DZIP1: variants seen among roughly 807,000 people sequenced by gnomAD.
The protein encoded by DZIP1 is cilium assembly protein DZIP1.
In DZIP1, 97 loss-of-function variants were observed where a neutral mutation model predicts 107.6. That is an observed-to-expected ratio of 0.90 (90% CI 0.77 to 1.07). The LOEUF (loss-of-function observed/expected upper bound fraction) is 1.07. Among genes scored for constraint, DZIP1 ranks in the 50% least tolerant of loss-of-function variants. DZIP1 has a pLI of 0.00. For synonymous variants in DZIP1, 390 were observed against 386.4 expected (o/e 1.01, Z -0.11); for missense variants, 1,035 against 1,063.6 (o/e 0.97, Z 0.37).
intron 5 of DZIP1, among the ~76,000 whole-genome samples, chr13:95,639,282 T>C (rs749882874): frequency 7.6e-4 from 115 of 152,304 alleles, no homozygotes; most frequent in Admixed American, 1.4e-3. Context: ...TCATTACTTA[T>C]CATTCACATT....
In DZIP1 at chr13:95,586,107, C is replaced by T. The variant is rs973124938; in HGVS notation, c.2248G>A (p.Val750Ile). 6.2e-7 allele frequency: 1 copy of T among 1,611,242 alleles called. No individual in the cohort carries two copies. Among genetic ancestry groups the T allele is most frequent in the Non-Finnish European group, 8.5e-7 (1 of 1,179,132 alleles). ...GVAVKTPTEK[V>I]EKMFPHRKNV... Reference sequence around the variant, plus strand: ...TTGCGATGTGGAAACATCTTTTCAACTTTTTCAGTAGGTGTTTTAACGGCG... The same window carrying T: ...TTGCGATGTGGAAACATCTTTTCAATTTTTTCAGTAGGTGTTTTAACGGCG... The change falls in exon 21 of 23, where the codon GTT (valine) becomes ATT (isoleucine). Residue 750 changes from valine to isoleucine, a missense_variant. Val to Ile is a conservative substitution (Grantham distance 29). Coordinates refer to ENST00000376829, the MANE Select transcript of DZIP1 (RefSeq NM_198968.4).
intron 10 of DZIP1, chr13:95,617,914 G>C: frequency 1.9e-6 from 1 of 517,730 alleles, no homozygotes; most frequent in Non-Finnish European, 3.8e-6. Context: ...CTCGGGGATT[G>C]AGAGAGAAAG....
intron 15 of DZIP1, among the ~76,000 whole-genome samples, chr13:95,596,781 A>G (rs1304998039): frequency 6.6e-6 from 1 of 152,224 alleles, no homozygotes; most frequent in Non-Finnish European, 1.5e-5. Context: ...AATATGCATG[A>G]ATTACTTCTT....
At chr13:95,596,776 G>A (rs973630610) in intron 15 of DZIP1, among the ~76,000 whole-genome samples, 1 of 152,196 alleles carries the variant, frequency 6.6e-6, no homozygotes, top group African/African-American at 2.4e-5. Context: ...ACAGAAATAT[G>A]CATGAATTAC....
chr13:95,600,280 C>T (rs2044574069), intron 14 of DZIP1, among the ~76,000 whole-genome samples: 1 of 152,108 alleles, frequency 6.6e-6, no homozygotes, highest in Admixed American at 6.5e-5. Flanking sequence ...GTGCATGGTT[C>T]ACTCACCTTC....
rs1364706358 is a variant in DZIP1 at position 95,581,208 on chromosome 13, G to T, written c.*1026C>A. 6.6e-6 allele frequency: 1 copy of T among 152,570 alleles called. No homozygotes were observed. The highest frequency in any genetic ancestry group is 1.5e-5 in the Non-Finnish European group (1 of 68,018). The allele number at this position is 152,570 out of a possible 1,614,324, so 9.5% of individuals were successfully genotyped here. ...TTAGTTAAAAGGTTACTTGGAAACA[G>T]AATATAGTATAACCAAGTTATAAAA... On this transcript the variant is annotated 3_prime_UTR_variant, in exon 23 of 23. Coordinates refer to ENST00000376829, the MANE Select transcript of DZIP1 (RefSeq NM_198968.4).
intron 5 of DZIP1, 39 bp from the exon 6 acceptor site, chr13:95,633,360 G>A (rs780316674): frequency 6.4e-6 from 10 of 1,555,496 alleles, no homozygotes; most frequent in Admixed American, 1.7e-5. Context: ...TGTCTGTAAC[G>A]ACTGTCGTCC....
In DZIP1 at chr13:95,633,541, T is replaced by C. The variant is rs377196539; in HGVS notation, c.598-220A>G. On this transcript the variant is annotated intron_variant, in intron 5 of 22. Coordinates refer to ENST00000376829, the MANE Select transcript of DZIP1 (RefSeq NM_198968.4). ...CCACAAAAAAATACAAAATTAGGTA[T>C]AGTGGCATGTGCCTGTAGTCCCAGC... is the stretch of plus-strand genomic sequence containing the variant. 7.3e-5 allele frequency among the ~76,000 whole-genome samples: 11 copies of C among 151,234 alleles called. No individual in the cohort carries two copies. The East Asian group carries it at 1.4e-3, about 19-fold the overall frequency.
intron 14 of DZIP1, among the ~76,000 whole-genome samples, chr13:95,603,390 T>C (rs2044678038): frequency 6.9e-6 from 1 of 143,906 alleles, no homozygotes; most frequent in South Asian, 2.4e-4. Flanking sequence ...AAGTCATGCA[T>C]ACATAAGCCC....
intron 14 of DZIP1, 37 bp from the exon 15 acceptor site, chr13:95,599,461 A>C: frequency 6.6e-7 from 1 of 1,513,414 alleles, no homozygotes; most frequent in South Asian, 1.1e-5. Context: ...TACAAACAGG[A>C]CAACAGCAAA....
intron 9 of DZIP1, 28 bp downstream of exon 9, chr13:95,622,315 A>C (rs751281325): frequency 6.2e-7 from 1 of 1,613,796 alleles, no homozygotes; most frequent in South Asian, 1.1e-5. Flanking sequence ...GAAGGCATCC[A>C]CTGCAGCTGT....
At chr13:95,621,770 T>A (rs1333178975) in intron 9 of DZIP1, among the ~76,000 whole-genome samples, 1 of 147,746 alleles carries the variant, frequency 6.8e-6, no homozygotes, top group Non-Finnish European at 1.5e-5. Flanking sequence ...CAGACTGGAG[T>A]GCAATGGCGT....
chr13:95,635,377 A>T (rs2139420464), intron 5 of DZIP1, among the ~76,000 whole-genome samples: 1 of 152,020 alleles, frequency 6.6e-6, no homozygotes, highest in Non-Finnish European at 1.5e-5. Flanking sequence ...TTGTATTTTT[A>T]GTAGAGATGG....
chr13:95,638,905 A>G (rs1029281460), intron 5 of DZIP1, among the ~76,000 whole-genome samples: 1 of 152,252 alleles, frequency 6.6e-6, no homozygotes, highest in Non-Finnish European at 1.5e-5. Flanking sequence ...TGTCAGAACA[A>G]GGAGTCTAGG....
intron 14 of DZIP1, among the ~76,000 whole-genome samples, chr13:95,600,020 G>T (rs188976055): frequency 1.2e-3 from 180 of 152,310 alleles, no homozygotes; most frequent in Middle Eastern, 0.01. Context: ...CTGGGCAGAT[G>T]AGGAAGGACT....
At position 95,609,513 on chromosome 13, in the gene DZIP1, C is replaced by T; in HGVS notation, c.1364G>A (p.Gly455Glu). The T allele has an allele frequency of 6.3e-7, 1 of 1,580,236 alleles. No homozygotes were observed. The highest frequency in any genetic ancestry group is 8.6e-7 in the Non-Finnish European group (1 of 1,164,212). The change falls in exon 13 of 23, where the codon GGA becomes GAA. Residue 455 changes from glycine (G) to glutamate (E), a missense_variant and splice_region_variant. Transcript: ENST00000376829. ...NPLNSISEPKGNPLAWQAFES... is the reference protein window; with the variant it reads ...NPLNSISEPKENPLAWQAFES... ...AAAAGCCTGCCAGGCTAAAGGATTT[C>T]CTGAAATGACAGAAAAATAAATGAA...
chr13:95,632,548 C>T (rs1314475954), intron 6 of DZIP1, among the ~76,000 whole-genome samples: 2 of 152,192 alleles, frequency 1.3e-5, no homozygotes, highest in African/African-American at 2.4e-5. Context: ...ACTGCTTCCA[C>T]TGTCGCCCCA....
At chr13:95,599,284 C>A (rs751571746) in intron 15 of DZIP1, 81 bp downstream of exon 15, 60 of 1,259,514 alleles carry the variant, frequency 4.8e-5, no homozygotes, top group Non-Finnish European at 6.7e-5. Flanking sequence ...GAATAAAAAC[C>A]ACTGGCTCAT....
intron 15 of DZIP1, 62 bp from the exon 16 acceptor site, chr13:95,594,148 A>G: frequency 7.2e-7 from 1 of 1,397,304 alleles, no homozygotes; most frequent in Non-Finnish European, 9.7e-7. Context: ...AAAAATCTCT[A>G]AGCAGAAAAT....
Sources: gnomAD v4.1 joint callset for allele counts (sites outside exome capture counted in the v4.1 genomes callset) on GRCh38, gnomAD v4.1.1 for gene constraint, MANE v1.5 for transcripts, NCBI Gene and HGNC (gene_info 2026-07-23, HGNC 2026-07-21) for gene names.